Variants in ZBBX observed in about 807,000 individuals in gnomAD.
The protein encoded by ZBBX is zinc finger B-box domain containing, also known as zinc finger B-box domain-containing protein 1.
A neutral mutation model predicts 108.5 loss-of-function variants in ZBBX; 101 were observed. That is an observed-to-expected ratio of 0.93 (90% CI 0.79 to 1.10). ZBBX has a LOEUF of 1.10. ZBBX is among the 50% of genes least tolerant of loss of function. The pLI, the probability that ZBBX is intolerant of heterozygous loss-of-function variation, is 0.00. For missense variants in ZBBX, 1,009 were observed against 941.4 expected (o/e 1.07, Z -0.94); for synonymous variants, 356 against 323.4 (o/e 1.10, Z -1.08).
At position 167,288,871 on chromosome 3, in the gene ZBBX, CT is replaced by C; in HGVS notation, c.1991del (p.Lys664ArgfsTer65). The C allele has an allele frequency of 6.5e-7, 1 of 1,530,824 alleles. No homozygotes were observed. The highest frequency in any genetic ancestry group is 8.8e-7 in the Non-Finnish European group (1 of 1,134,130). The allele number at this position is 1,530,824 out of a possible 1,614,324, so 94.8% of individuals were successfully genotyped here. On this transcript the variant is annotated frameshift_variant, in exon 19 of 22. Transcript: ENST00000675490. LOFTEE classifies it high-confidence loss of function. ...CTGCCTTTGAGTCAATGTTACCCAT[CT>C]TTTGCTGTTTTCTACTTGATGATGG... ...QSPSSSRKQQ[K>X]MGQKSQRPST...
At chr3:167,213,319 G>A in the ZBBX span, among the ~76,000 whole-genome samples, 3 of 152,180 alleles carry the variant, frequency 2.0e-5, no homozygotes, top group Non-Finnish European at 4.4e-5. Context: ...CAGAGCTGAA[G>A]GAGGAAATAG....
At chr3:167,303,328 A>G (rs769642441) in intron 17 of ZBBX, among the ~76,000 whole-genome samples, 2 of 152,172 alleles carry the variant, frequency 1.3e-5, no homozygotes, top group Non-Finnish European at 2.9e-5. Context: ...TATAATACAG[A>G]ATCTTAGTAC....
At position 167,305,670 on chromosome 3, in the gene ZBBX, T is replaced by G. The variant is rs770375998; in HGVS notation, c.1698A>C (p.Glu566Asp). 1 of 1,576,614 alleles carries G rather than the reference T, an allele frequency of 6.3e-7. No individual in the cohort carries two copies. Among genetic ancestry groups the G allele is most frequent in the South Asian group, 1.2e-5 (1 of 82,754 alleles). Residue 566 changes from glutamate (E) to aspartate (D), a missense_variant, in exon 17 of 22, where the codon GAA (glutamate) becomes GAC (aspartate). Physicochemically the swap from Glu to Asp is conservative, Grantham distance 45. Transcript: ENST00000675490. ...GTGATGACTTTGTAGTTTTTGATTC[T>G]TCAAAGCTTGGCCTCTTATACAGAT... ...LSNLYKRPSFEESKTTKSSLL... is the reference protein window; with the variant it reads ...LSNLYKRPSFDESKTTKSSLL...
At chr3:167,204,976 G>C in the ZBBX span, among the ~76,000 whole-genome samples, 1 of 151,944 alleles carries the variant, frequency 6.6e-6, no homozygotes, top group South Asian at 2.1e-4. Flanking sequence ...TCTTACTATT[G>C]ATGGAGAAGA....
At chr3:167,405,934 C>CA (rs1005324921) in intron 1 of ZBBX, among the ~76,000 whole-genome samples, 46 of 152,186 alleles carry the variant, frequency 3.0e-4, no homozygotes, top group African/African-American at 1.1e-3. Flanking sequence ...GGGGTGGTGG[C>CA]AGGTGCCTGT....
chr3:167,220,030 C>T, the ZBBX span, among the ~76,000 whole-genome samples: 2 of 151,886 alleles, frequency 1.3e-5, no homozygotes, highest in Admixed American at 1.3e-4. Flanking sequence ...CACATTCAAC[C>T]TACCAAGATT....
At chr3:167,209,957 G>A in the ZBBX span, among the ~76,000 whole-genome samples, 1 of 152,138 alleles carries the variant, frequency 6.6e-6, no homozygotes. Context: ...AGGCATGGTG[G>A]CATGTGCCTG....
chr3:167,352,057 A>G (rs577707895), intron 8 of ZBBX, among the ~76,000 whole-genome samples: 1 of 147,008 alleles, frequency 6.8e-6, no homozygotes, highest in East Asian at 2.1e-4. Context: ...AAATGCCTAT[A>G]TCAAAAAGAT....
the ZBBX span, among the ~76,000 whole-genome samples, chr3:167,208,227 C>T: frequency 6.6e-6 from 1 of 152,290 alleles, no homozygotes; most frequent in Middle Eastern, 3.4e-3. Context: ...ACTTGAAAGG[C>T]AGTCTAGGCC....
At chr3:167,292,016 T>A (rs1730778421) in intron 18 of ZBBX, among the ~76,000 whole-genome samples, 1 of 152,142 alleles carries the variant, frequency 6.6e-6, no homozygotes, top group Non-Finnish European at 1.5e-5. Context: ...CTATCCTAAA[T>A]ATGTATGCAC....
At chr3:167,254,038 T>C (rs1403264227) in intron 20 of ZBBX, among the ~76,000 whole-genome samples, 1 of 152,140 alleles carries the variant, frequency 6.6e-6, no homozygotes, top group Admixed American at 6.6e-5. Flanking sequence ...AAAAACAAGC[T>C]GTAACAAACA....
chr3:167,305,491 G>A (rs7643215), intron 17 of ZBBX, 152 bp downstream of exon 17: 420,894 of 532,324 alleles, frequency 0.79, 167,788 homozygotes, highest in African/African-American at 0.93. Flanking sequence ...GTTCTCTCCC[G>A]TATGAGTCAC....
At chr3:167,235,852 T>C (rs1299473413), downstream of ZBBX, among the ~76,000 whole-genome samples, 14 of 151,612 alleles carry the variant, frequency 9.2e-5, no homozygotes, top group Admixed American at 9.2e-4. Context: ...ATCATAATCA[T>C]TTACTCAACA....
chr3:167,365,643 T>C (rs1577099262), intron 6 of ZBBX, among the ~76,000 whole-genome samples: 1 of 151,764 alleles, frequency 6.6e-6, no homozygotes, highest in Non-Finnish European at 1.5e-5. Context: ...AAAATTCAGT[T>C]TGGGATGTGG....
intron 17 of ZBBX, among the ~76,000 whole-genome samples, 178 bp downstream of exon 17, chr3:167,305,464 TC>T (rs1221556081): frequency 6.6e-6 from 1 of 152,108 alleles, no homozygotes; most frequent in Non-Finnish European, 1.5e-5. Context: ...TTAGAATTTG[TC>T]CTAGAGGCCA....
At chr3:167,310,274 T>TA (rs1471415167) in intron 16 of ZBBX, among the ~76,000 whole-genome samples, 2 of 152,188 alleles carry the variant, frequency 1.3e-5, no homozygotes, top group Non-Finnish European at 2.9e-5. Flanking sequence ...AACAAGTCTC[T>TA]AGGAAGTCCT....
chr3:167,404,081 C>T (rs6770504), intron 1 of ZBBX, among the ~76,000 whole-genome samples: 3 of 151,988 alleles, frequency 2.0e-5, no homozygotes, highest in Non-Finnish European at 2.9e-5. Flanking sequence ...GCATTTTAAA[C>T]GCAACATGGA....
At chr3:167,221,177 C>T in the ZBBX span, among the ~76,000 whole-genome samples, 1 of 151,716 alleles carries the variant, frequency 6.6e-6, no homozygotes, top group Non-Finnish European at 1.5e-5. Context: ...TATCAAAATA[C>T]CAAGACATTT....
intron 16 of ZBBX, among the ~76,000 whole-genome samples, chr3:167,309,290 C>G (rs1023502917): frequency 2.0e-5 from 3 of 152,180 alleles, no homozygotes; most frequent in African/African-American, 4.8e-5. Flanking sequence ...GTCAGTGGAT[C>G]TACCATTCTG....
Sources: gnomAD v4.1 joint callset for allele counts (sites outside exome capture counted in the v4.1 genomes callset) on GRCh38, gnomAD v4.1.1 for gene constraint, MANE v1.5 for transcripts, NCBI Gene and HGNC (gene_info 2026-07-23, HGNC 2026-07-21) for gene names.